The following ITPR1 variants were observed in gnomAD, a reference collection of about 807,000 sequenced individuals.
ITPR1 encodes inositol 1,4,5-trisphosphate-gated calcium channel ITPR1.
A neutral mutation model predicts 318.4 loss-of-function variants in ITPR1; 96 were observed. The observed-to-expected ratio is 0.30, with a 90% CI of 0.26 to 0.36. ITPR1 has a LOEUF of 0.36. ITPR1 is among the 10% of genes least tolerant of loss of function. The probability of loss-of-function intolerance (pLI) is 1.00; values close to 1 mark genes in which losing one functional copy is unlikely to be tolerated. For synonymous variants in ITPR1, 1,312 were observed against 1,289.9 expected (o/e 1.02, Z -0.37); for missense variants, 2,440 against 3,460.2 (o/e 0.71, Z 7.40).
intron 2 of ITPR1, among the ~76,000 whole-genome samples, chr3:4,497,366 A>G (rs1167271885): frequency 6.6e-6 from 1 of 152,196 alleles, no homozygotes; most frequent in Non-Finnish European, 1.5e-5. Flanking sequence ...TCTTTATTCA[A>G]CAAATTTCTT....
rs149051110 is a variant in ITPR1, at chr3:4,759,992, G to T, written c.5545-6538G>T. 1.2e-4 allele frequency among the ~76,000 whole-genome samples: 18 copies of T among 152,360 alleles called. No individual in the cohort carries two copies. The East Asian group carries it at 2.9e-3, about 24-fold the overall frequency. The stretch of plus-strand genomic sequence containing the variant: ...TCTGATCAGATCTGTCATCAGGGAT[G>T]TCTGGGACTGGTGCTGAGGATCTGC... On this transcript the variant is annotated intron_variant, in intron 44 of 61. Transcript: ENST00000649015.
At chr3:4,777,808 A>T (rs549951832) in intron 48 of ITPR1, among the ~76,000 whole-genome samples, 1 of 152,194 alleles carries the variant, frequency 6.6e-6, no homozygotes, top group Non-Finnish European at 1.5e-5. Flanking sequence ...AAACCCAAAA[A>T]AACAAACATG....
chr3:4,733,272 A>G (rs1249514827), intron 43 of ITPR1, 52 bp downstream of exon 43: 3 of 1,594,536 alleles, frequency 1.9e-6, no homozygotes, highest in Non-Finnish European at 2.6e-6. Context: ...GTGTTCTGTG[A>G]TAGCTGCATG....
intron 44 of ITPR1, among the ~76,000 whole-genome samples, chr3:4,757,234 T>G (rs1268253656): frequency 6.6e-6 from 1 of 152,160 alleles, no homozygotes; most frequent in Non-Finnish European, 1.5e-5. Context: ...CATTGGTTTC[T>G]AAAAAAGGAC....
At chr3:4,560,940 C>G (rs2086613083) in intron 4 of ITPR1, among the ~76,000 whole-genome samples, 1 of 152,162 alleles carries the variant, frequency 6.6e-6, no homozygotes, top group African/African-American at 2.4e-5. Context: ...TCCTAGACAA[C>G]TTGGGGGCCA....
chr3:4,811,620 T>A (rs2048945119), intron 56 of ITPR1, among the ~76,000 whole-genome samples, 160 bp downstream of exon 56: 1 of 152,242 alleles, frequency 6.6e-6, no homozygotes, highest in African/African-American at 2.4e-5. Context: ...ATTCTCACAA[T>A]GAATGTGGCA....
At chr3:4,694,497 G>C (rs1229581433) in intron 33 of ITPR1, among the ~76,000 whole-genome samples, 1 of 152,154 alleles carries the variant, frequency 6.6e-6, no homozygotes, top group Non-Finnish European at 1.5e-5. Context: ...TAGTGGTGGG[G>C]ATATCTTTTG....
chr3:4,727,255 A>G, intron 42 of ITPR1, 82 bp downstream of exon 42: 3 of 997,014 alleles, frequency 3.0e-6, no homozygotes, highest in Non-Finnish European at 4.4e-6. Context: ...TGTGATTGAG[A>G]GACAGCTTTT....
intron 40 of ITPR1, among the ~76,000 whole-genome samples, chr3:4,721,447 A>T (rs921401315): frequency 2.0e-5 from 3 of 152,074 alleles, no homozygotes; most frequent in African/African-American, 7.2e-5. Flanking sequence ...GAAATGCTAG[A>T]TAACTTCTAT....
intron 6 of ITPR1, among the ~76,000 whole-genome samples, chr3:4,640,630 C>T (rs945705329): frequency 2.6e-5 from 4 of 152,176 alleles, no homozygotes; most frequent in African/African-American, 7.2e-5. Flanking sequence ...CTTTTAAATG[C>T]ATTCCGGTTT....
chr3:4,780,829 C>T (rs991167705), intron 49 of ITPR1, among the ~76,000 whole-genome samples: 3 of 152,168 alleles, frequency 2.0e-5, no homozygotes, highest in Non-Finnish European at 4.4e-5. Context: ...GCAGGGACCC[C>T]ATTCGGCTTC....
intron 46 of ITPR1, among the ~76,000 whole-genome samples, chr3:4,772,343 C>T (rs1238647983): frequency 6.6e-6 from 1 of 152,260 alleles, no homozygotes; most frequent in Admixed American, 6.5e-5. Context: ...CCTTTGGGCT[C>T]GTGCCCGGAG....
In ITPR1 at chr3:4,693,677, G is replaced by C; in HGVS notation, c.4217G>C (p.Cys1406Ser). The C allele has an allele frequency of 3.7e-6, 6 of 1,614,040 alleles. No individual in the cohort carries two copies. Among genetic ancestry groups the C allele is most frequent in the Non-Finnish European group, 5.1e-6 (6 of 1,179,918 alleles). The change falls in exon 33 of 62, where the codon TGC becomes TCC. Residue 1406 changes from cysteine (C) to serine (S), a missense_variant. Transcript: ENST00000649015. The part of the protein sequence containing the change: ...EGKNVYTEIK[C>S]NSLLPLDDIV... ...AAGAATGTCTACACAGAGATCAAGT[G>C]CAACTCCCTGCTCCCGCTGGATGAC...
chr3:4,666,848 C>T (rs2093958002), intron 17 of ITPR1, among the ~76,000 whole-genome samples: 1 of 152,190 alleles, frequency 6.6e-6, no homozygotes, highest in African/African-American at 2.4e-5. Flanking sequence ...TCATGAGTTC[C>T]ATGCATATGA....
chr3:4,707,015 G>C (rs934183674), intron 37 of ITPR1, among the ~76,000 whole-genome samples: 1 of 152,212 alleles, frequency 6.6e-6, no homozygotes, highest in Admixed American at 6.5e-5. Context: ...GTGTTTAAGA[G>C]TGTAGTCTCA....
At chr3:4,513,455 C>G (rs1416063303) in intron 2 of ITPR1, among the ~76,000 whole-genome samples, 1 of 152,130 alleles carries the variant, frequency 6.6e-6, no homozygotes, top group Non-Finnish European at 1.5e-5. Context: ...TCCTCCCCTA[C>G]TTTTTGGTTG....
chr3:4,548,993 G>A (rs1002296777), intron 4 of ITPR1, among the ~76,000 whole-genome samples: 1 of 152,106 alleles, frequency 6.6e-6, no homozygotes, highest in African/African-American at 2.4e-5. Context: ...CTTTTCGGGA[G>A]GGGGGGACTT....
chr3:4,618,697 A>G (rs532290237), intron 4 of ITPR1, among the ~76,000 whole-genome samples: 2 of 151,978 alleles, frequency 1.3e-5, no homozygotes, highest in South Asian at 4.2e-4. Context: ...GGATGATCTG[A>G]CCCTCCTGTT....
chr3:4,819,377 A>G (rs1411478757), intron 60 of ITPR1, among the ~76,000 whole-genome samples: 1 of 152,170 alleles, frequency 6.6e-6, no homozygotes, highest in Admixed American at 6.5e-5. Context: ...GTACATATGA[A>G]TCACCTGTGG....
Sources: gnomAD v4.1 joint callset for allele counts (sites outside exome capture counted in the v4.1 genomes callset) on GRCh38, gnomAD v4.1.1 for gene constraint, MANE v1.5 for transcripts, NCBI Gene and HGNC (gene_info 2026-07-23, HGNC 2026-07-21) for gene names.